HHAT: variants seen among roughly 807,000 people sequenced by gnomAD.
HHAT encodes hedgehog acyltransferase, also known as protein-cysteine N-palmitoyltransferase HHAT.
Under a neutral mutation model 70.8 loss-of-function variants are expected in HHAT, and 47 were observed. The observed-to-expected ratio is 0.66, with a 90% CI of 0.53 to 0.85. The LOEUF is 0.85. Ranked by LOEUF, HHAT falls within the 40% of genes least tolerant of loss-of-function variation. HHAT has a pLI of 0.00. For missense variants in HHAT, 609 were observed against 604.8 expected (o/e 1.01, Z -0.07); for synonymous variants, 228 against 247.6 (o/e 0.92, Z 0.74).
At chr1:210,364,626 G>A (rs1231191129) in intron 3 of HHAT, among the ~76,000 whole-genome samples, 1 of 152,244 alleles carries the variant, frequency 6.6e-6, no homozygotes, top group African/African-American at 2.4e-5. Context: ...ATCAAGGGCA[G>A]GCTCAGCCCA....
At chr1:210,504,938 T>G (rs1048150393) in intron 8 of HHAT, among the ~76,000 whole-genome samples, 1 of 146,060 alleles carries the variant, frequency 6.8e-6, no homozygotes, top group African/African-American at 2.5e-5. Flanking sequence ...AGTCTCGCTC[T>G]GTTGCCTAGG....
intron 3 of HHAT, among the ~76,000 whole-genome samples, chr1:210,364,369 T>C (rs188082887): frequency 6.6e-6 from 1 of 152,340 alleles, no homozygotes; most frequent in Non-Finnish European, 1.5e-5. Flanking sequence ...GTGTCTCAGA[T>C]CTACTCTTTA....
chr1:210,662,201 G>A (rs1677881591), intron 11 of HHAT, among the ~76,000 whole-genome samples: 1 of 152,144 alleles, frequency 6.6e-6, no homozygotes, highest in Non-Finnish European at 1.5e-5. Flanking sequence ...GAGGAGCGTG[G>A]TGGCCCCAGA....
chr1:210,337,381 A>G (rs569119569), intron 1 of HHAT, among the ~76,000 whole-genome samples: 10 of 152,322 alleles, frequency 6.6e-5, no homozygotes, highest in Middle Eastern at 3.4e-3. Context: ...TGAGTTTCCT[A>G]TTAAACCTGA....
Position 210,621,184 on chromosome 1 carries a change from A to C in HHAT, c.1246-2342A>C, listed in dbSNP as rs79053117. Among the ~76,000 whole-genome samples, 2,558 of 151,916 alleles carry C rather than the reference A, an allele frequency of 0.017. 221 individuals carry two copies. The East Asian group carries it at 0.26, about 15-fold the overall frequency. ...TCAGTACCTCTGTTGATTATTTAATACTTGTAATCACTTCCTACAAAAGAA... is the reference window on the plus strand; with the variant it reads ...TCAGTACCTCTGTTGATTATTTAATCCTTGTAATCACTTCCTACAAAAGAA... On this transcript the variant is annotated intron_variant, in intron 10 of 11. Coordinates refer to ENST00000261458, the MANE Select transcript of HHAT (RefSeq NM_018194.6).
At chr1:210,503,103 G>T (rs1471501901) in intron 8 of HHAT, among the ~76,000 whole-genome samples, 3 of 152,146 alleles carry the variant, frequency 2.0e-5, no homozygotes, top group Non-Finnish European at 4.4e-5. Context: ...AGGACTACAG[G>T]CATGTGCCAT....
In HHAT at chr1:210,348,736, CGTGT is replaced by C. The variant is rs71303046; in HGVS notation, c.-43-174_-43-171del. On this transcript the variant is annotated intron_variant, in intron 1 of 11. Transcript: ENST00000261458. ...GATGCACATGTGTGGTGTATGTGTG[CGTGT>C]GTGTGTGTGTGTGTGTGTGTGTTGG... 6.1e-5 allele frequency among the ~76,000 whole-genome samples: 9 copies of C among 148,028 alleles called. No individual in the cohort carries two copies. In the East Asian group the frequency reaches 8.0e-4, roughly 13 times the overall value.
At chr1:210,582,524 C>T (rs538059029) in intron 9 of HHAT, among the ~76,000 whole-genome samples, 25 of 152,192 alleles carry the variant, frequency 1.6e-4, no homozygotes, top group African/African-American at 6.0e-4. Context: ...TGTATAGGTC[C>T]TTGGAAAAAA....
chr1:210,340,124 G>A (rs1216819685), intron 1 of HHAT, among the ~76,000 whole-genome samples: 2 of 151,498 alleles, frequency 1.3e-5, no homozygotes, highest in African/African-American at 2.4e-5. Flanking sequence ...AGGATCACTC[G>A]AGGCCAGGAG....
intron 11 of HHAT, among the ~76,000 whole-genome samples, chr1:210,654,702 C>T (rs888989907): frequency 6.6e-6 from 1 of 152,184 alleles, no homozygotes. Context: ...TTGTTCCCAG[C>T]CAAATGGCAA....
intron 9 of HHAT, among the ~76,000 whole-genome samples, chr1:210,517,070 G>A (rs2095069216): frequency 6.6e-6 from 1 of 152,190 alleles, no homozygotes; most frequent in Admixed American, 6.5e-5. Flanking sequence ...AACTCACCTA[G>A]GGATGGCCTC....
Position 210,676,256 on chromosome 1 carries a change from G to A in HHAT, c.*1877G>A, listed in dbSNP as rs1681043723. The A allele has an allele frequency of 6.6e-6, 1 of 152,138 alleles. No homozygotes were observed. Among genetic ancestry groups the A allele is most frequent in the African/African-American group, 2.4e-5 (1 of 41,432 alleles). The allele number at this position is 152,138 out of a possible 1,614,324, so 9.4% of individuals were successfully genotyped here. A position where few individuals can be genotyped will look rare whatever the true frequency, so the allele number is the denominator to read the frequency against. On this transcript the variant is annotated 3_prime_UTR_variant, in exon 12 of 12. Coordinates refer to ENST00000261458, the MANE Select transcript of HHAT (RefSeq NM_018194.6). ...TTTAAACTATTATATGATTCATAAT[G>A]GTTCTCAGGAATTAATAAATGATTA... is the stretch of plus-strand genomic sequence containing the variant.
intron 9 of HHAT, among the ~76,000 whole-genome samples, chr1:210,558,443 A>T (rs1267018141): frequency 6.6e-6 from 1 of 152,206 alleles, no homozygotes; most frequent in Admixed American, 6.5e-5. Context: ...TGTCCCTAAG[A>T]GCAGATGCTG....
At chr1:210,417,803 C>G (rs2092768851) in intron 6 of HHAT, among the ~76,000 whole-genome samples, 1 of 152,052 alleles carries the variant, frequency 6.6e-6, no homozygotes, top group Admixed American at 6.6e-5. Context: ...GCACCTGTAG[C>G]CCGAAACTCC....
intron 11 of HHAT, among the ~76,000 whole-genome samples, chr1:210,642,804 ACT>A (rs554704380): frequency 2.6e-5 from 4 of 151,690 alleles, no homozygotes; most frequent in Non-Finnish European, 5.9e-5. Flanking sequence ...TCCATTTTTT[ACT>A]CTTTTAATGA....
chr1:210,459,403 G>T (rs2093934647), intron 7 of HHAT, among the ~76,000 whole-genome samples: 1 of 152,160 alleles, frequency 6.6e-6, no homozygotes. Context: ...CCATATGGCA[G>T]ATATTAAGTG....
intron 1 of HHAT, among the ~76,000 whole-genome samples, chr1:210,335,141 A>T (rs1293120348): frequency 6.6e-6 from 1 of 152,340 alleles, no homozygotes; most frequent in African/African-American, 2.4e-5. Context: ...ATAAGTCTTA[A>T]ATATGGTAAG....
At chr1:210,381,290 TA>T (rs2090616235) in intron 3 of HHAT, among the ~76,000 whole-genome samples, 1 of 152,064 alleles carries the variant, frequency 6.6e-6, no homozygotes, top group Non-Finnish European at 1.5e-5. Context: ...TTTTTACTTT[TA>T]TTTTTCTGAG....
At chr1:210,639,294 A>C (rs1427980613) in intron 11 of HHAT, among the ~76,000 whole-genome samples, 1 of 152,150 alleles carries the variant, frequency 6.6e-6, no homozygotes, top group Non-Finnish European at 1.5e-5. Flanking sequence ...ACAAAAAAAA[A>C]CTTGATTTGC....
Sources: allele counts gnomAD v4.1 joint callset (sites outside exome capture counted in the v4.1 genomes callset), GRCh38; gene constraint gnomAD v4.1.1; transcripts MANE v1.5; gene names NCBI Gene and HGNC (gene_info 2026-07-23, HGNC 2026-07-21).